SFXN5: variants seen among roughly 807,000 people sequenced by gnomAD.
The protein encoded by SFXN5 is sideroflexin-5.
A neutral mutation model predicts 50.2 loss-of-function variants in SFXN5; 43 were observed. The ratio of observed to expected loss-of-function variants is 0.86; its 90% CI spans 0.67 to 1.11. The LOEUF (loss-of-function observed/expected upper bound fraction) is 1.11, where lower values mean the gene tolerates loss of function less well. Among genes scored for constraint, SFXN5 ranks in the 50% least tolerant of loss-of-function variants. The probability of loss-of-function intolerance (pLI) is 0.00; values close to 1 mark genes in which losing one functional copy is unlikely to be tolerated. For synonymous variants in SFXN5, 203 were observed against 185.8 expected, an observed-to-expected ratio of 1.09 and a Z score of -0.75; for missense variants, 463 against 454.1, an observed-to-expected ratio of 1.02 and a Z score of -0.18.
rs1302644246 is a variant in SFXN5 at position 72,943,893 on chromosome 2, A to G, written c.*1129T>C. 6.6e-6 allele frequency: 1 copy of G among 152,318 alleles called. No individual in the cohort carries two copies. The highest frequency in any genetic ancestry group is 2.4e-5 in the African/African-American group (1 of 41,480). The allele number at this position is 152,318 out of a possible 1,614,324, so 9.4% of individuals were successfully genotyped here. A position where few individuals can be genotyped will look rare whatever the true frequency, so the allele number is the denominator to read the frequency against. On this transcript the variant is annotated 3_prime_UTR_variant, in exon 14 of 14. Transcript: ENST00000272433. The stretch of plus-strand genomic sequence containing the variant: ...TTGATCCAGTCTTCTGGTTTCAGAC[A>G]GGGAGTGGAGGCTGAGAGAAGGGAA...
intron 13 of SFXN5, among the ~76,000 whole-genome samples, chr2:72,952,171 C>T (rs1353421812): frequency 6.6e-6 from 1 of 152,226 alleles, no homozygotes; most frequent in Admixed American, 6.5e-5. Context: ...CCTTCTGGGA[C>T]TTTTTCCAGC....
In SFXN5 at chr2:72,998,938, G is replaced by A. The variant is rs766920915; in HGVS notation, c.534+11C>T. 1 of 1,613,728 alleles carries A rather than the reference G, an allele frequency of 6.2e-7. No homozygotes were observed. The highest frequency in any genetic ancestry group is 8.5e-7 in the Non-Finnish European group (1 of 1,179,788). On this transcript the variant is annotated intron_variant, in intron 9 of 13. Coordinates refer to ENST00000272433, the MANE Select transcript of SFXN5 (RefSeq NM_144579.3). ...GCAGAGCCAAGAAGGAGCAGGGGAG[G>A]GAGTACTCACAGCAATGGAGACGGC...
intron 6 of SFXN5, 184 bp downstream of exon 6, chr2:73,020,055 G>A (rs1261767169): frequency 5.1e-6 from 3 of 592,990 alleles, no homozygotes; most frequent in Non-Finnish European, 5.8e-6. Context: ...TTTATGAAAA[G>A]AGGTTTGCCA....
chr2:73,039,389 T>C (rs1203254112), intron 3 of SFXN5, among the ~76,000 whole-genome samples: 1 of 152,218 alleles, frequency 6.6e-6, no homozygotes, highest in African/African-American at 2.4e-5. Context: ...AGGTGGTTAT[T>C]AACTCCAGAT....
At position 73,060,468 on chromosome 2, in the gene SFXN5, CAAAGAA is replaced by C. The variant is rs567392861; in HGVS notation, c.103-1878_103-1873del. Among the ~76,000 whole-genome samples the C allele has an allele frequency of 2.2e-3, 327 of 152,054 alleles. 1 individual carries two copies. Among genetic ancestry groups the C allele is most frequent in the Non-Finnish European group, 3.9e-3 (263 of 67,976 alleles). On this transcript the variant is annotated intron_variant, in intron 1 of 13. Coordinates refer to ENST00000272433, the MANE Select transcript of SFXN5 (RefSeq NM_144579.3). The stretch of plus-strand genomic sequence containing the variant: ...ATCAAATATGTCAATGTCATAAAGA[CAAAGAA>C]AGAGTGGGAATGAGACTGTTCCACA...
At position 73,058,518 on chromosome 2, in the gene SFXN5, C is replaced by T. The variant is rs200385059; in HGVS notation, c.171+10G>A. 6.2e-7 allele frequency: 1 copy of T among 1,613,634 alleles called. No individual in the cohort carries two copies. Among genetic ancestry groups the T allele is most frequent in the East Asian group, 2.2e-5 (1 of 44,886 alleles). ...GCCCAAGGGCCACTGAGGTGACAGCCATGACTTACCTCAGTGACAAAGAGT... is the reference window on the plus strand; with the variant it reads ...GCCCAAGGGCCACTGAGGTGACAGCTATGACTTACCTCAGTGACAAAGAGT... On this transcript the variant is annotated intron_variant, in intron 2 of 13. Coordinates refer to ENST00000272433, the MANE Select transcript of SFXN5 (RefSeq NM_144579.3).
In SFXN5 at chr2:72,968,476, G is replaced by T; in HGVS notation, c.799C>A (p.Pro267Thr). The T allele has an allele frequency of 9.3e-6, 15 of 1,613,162 alleles. No homozygotes were observed. Among genetic ancestry groups the T allele is most frequent in the Non-Finnish European group, 1.3e-5 (15 of 1,179,968 alleles). Reference sequence around the variant, plus strand: ...TCCAGCATGGACATGACGATCGGGGGTAGCACCAGGATGGGCATGGGCAGG... The same window carrying T: ...TCCAGCATGGACATGACGATCGGGGTTAGCACCAGGATGGGCATGGGCAGG... ...VVLPMPILVL[P>T]PIVMSMLEKT... The change falls in exon 12 of 14, where the codon CCC (proline) becomes ACC (threonine). Residue 267 changes from proline to threonine, a missense_variant. Coordinates refer to ENST00000272433, the MANE Select transcript of SFXN5 (RefSeq NM_144579.3).
chr2:73,019,470 C>T (rs1242696036), intron 6 of SFXN5: 1 of 149,044 alleles, frequency 6.7e-6, no homozygotes, highest in Non-Finnish European at 1.5e-5. Context: ...GCTCTGTTGC[C>T]CAGCCTGGAG....
At chr2:73,040,058 G>T (rs912086288) in intron 3 of SFXN5, among the ~76,000 whole-genome samples, 2 of 152,106 alleles carry the variant, frequency 1.3e-5, no homozygotes, top group African/African-American at 4.8e-5. Context: ...CAATCTGCCT[G>T]CCTCGGCCTC....
At chr2:73,059,843 G>C in intron 1 of SFXN5, 3 of 964,568 alleles carry the variant, frequency 3.1e-6, no homozygotes, top group Non-Finnish European at 1.2e-6. Context: ...TGTAGTCTAA[G>C]GAAACAATCC....
chr2:73,048,076 T>C (rs1313844929), intron 2 of SFXN5, among the ~76,000 whole-genome samples: 1 of 152,240 alleles, frequency 6.6e-6, no homozygotes, highest in Non-Finnish European at 1.5e-5. Context: ...ACTTCAGGTA[T>C]CATGCATACC....
rs1231350899 is a variant in SFXN5, at chr2:72,942,499, G to C, written c.*2523C>G. On this transcript the variant is annotated 3_prime_UTR_variant, in exon 14 of 14. Transcript: ENST00000272433. ...TGTTCTCGCACAGCTGGCCAGCCCCGCCCTGACTGTGTCCAGGCTTAGCCT... is the reference window on the plus strand; with the variant it reads ...TGTTCTCGCACAGCTGGCCAGCCCCCCCCTGACTGTGTCCAGGCTTAGCCT... 6.6e-6 allele frequency: 1 copy of C among 152,460 alleles called. No homozygotes were observed. Among genetic ancestry groups the C allele is most frequent in the Admixed American group, 6.5e-5 (1 of 15,306 alleles). 9.4% of individuals were successfully genotyped at this position (152,460 alleles called of 1,614,324 possible).
rs181043899 is a variant in SFXN5, at chr2:72,976,040, A to G, written c.626-4355T>C. Among the ~76,000 whole-genome samples, 4 of 152,248 alleles carry G rather than the reference A, an allele frequency of 2.6e-5. 1 individual carries two copies. Among genetic ancestry groups the G allele is most frequent in the Admixed American group, 2.0e-4 (3 of 15,288 alleles). On this transcript the variant is annotated intron_variant, in intron 10 of 13. Coordinates refer to ENST00000272433, the MANE Select transcript of SFXN5 (RefSeq NM_144579.3). ...ATCTCCAAAACAAACTGTTATGTGA[A>G]AAAAGCTACTGAGTATGTACATGAT... is the stretch of plus-strand genomic sequence containing the variant.
At chr2:73,012,649 A>AAC (rs57635824) in intron 6 of SFXN5, among the ~76,000 whole-genome samples, 9,682 of 125,752 alleles carry the variant, frequency 0.077, 352 homozygotes, top group South Asian at 0.11. Context: ...CTAGCCAAAC[A>AAC]ACACACACAC....
chr2:72,983,400 C>T (rs1413540034), intron 10 of SFXN5, among the ~76,000 whole-genome samples: 1 of 152,156 alleles, frequency 6.6e-6, no homozygotes, highest in Non-Finnish European at 1.5e-5. Context: ...AGGAAGAAGT[C>T]ATTTCTCAGC....
At position 73,040,951 on chromosome 2, in the gene SFXN5, G is replaced by T; in HGVS notation, c.172-20C>A. ...ACGTCTCTGCAGAAGAAAGAAAAGA[G>T]ACATTGAGGGGCACAGATCCAGGGC... On this transcript the variant is annotated intron_variant, in intron 2 of 13. Transcript: ENST00000272433. 6.2e-7 allele frequency: 1 copy of T among 1,607,502 alleles called. No individual in the cohort carries two copies. The highest frequency in any genetic ancestry group is 8.5e-7 in the Non-Finnish European group (1 of 1,177,520).
intron 3 of SFXN5, among the ~76,000 whole-genome samples, chr2:73,025,430 A>G (rs1677439313): frequency 6.6e-6 from 1 of 152,162 alleles, no homozygotes; most frequent in African/African-American, 2.4e-5. Flanking sequence ...GGTGCTCAAT[A>G]CGTGCTTAAT....
intron 11 of SFXN5, among the ~76,000 whole-genome samples, chr2:72,969,627 G>A (rs200452141): frequency 3.3e-5 from 5 of 151,232 alleles, no homozygotes; most frequent in Non-Finnish European, 5.9e-5. Flanking sequence ...AACTCCTGAC[G>A]TCAGGTGATC....
chr2:72,979,744 CTG>C (rs745546419), intron 10 of SFXN5, among the ~76,000 whole-genome samples: 6 of 152,136 alleles, frequency 3.9e-5, no homozygotes, highest in Non-Finnish European at 7.3e-5. Context: ...CTAAAATTGA[CTG>C]TGAGGTTAAA....
Sources: gnomAD v4.1 joint callset for allele counts (sites outside exome capture counted in the v4.1 genomes callset) on GRCh38, gnomAD v4.1.1 for gene constraint, MANE v1.5 for transcripts, NCBI Gene and HGNC (gene_info 2026-07-23, HGNC 2026-07-21) for gene names.